AGBL4: variants seen among roughly 807,000 people sequenced by gnomAD.
AGBL4 encodes cytosolic carboxypeptidase 6.
AGBL4 carries 58 observed loss-of-function variants against 66.4 expected under a neutral mutation model. The ratio of observed to expected loss-of-function variants is 0.87; its 90% CI spans 0.71 to 1.09. AGBL4 has a LOEUF of 1.09. AGBL4 is among the 50% of genes least tolerant of loss of function. AGBL4 has a pLI of 0.00. For missense variants in AGBL4, 579 were observed against 631.0 expected, an observed-to-expected ratio of 0.92 and a Z score of 0.88; for synonymous variants, 234 against 222.9, an observed-to-expected ratio of 1.05 and a Z score of -0.44.
chr1:49,263,438 A>G lies in AGBL4; in HGVS notation c.283-17574T>C, dbSNP rs900552968. On this transcript the variant is annotated intron_variant, in intron 3 of 13. Transcript: ENST00000371839. ...ATAAAGAACTATTATAAATCAAAAT[A>G]TAAAAGACCAACAATACAATAGAAA... Among the ~76,000 whole-genome samples, 127 of 152,176 alleles carry G rather than the reference A, an allele frequency of 8.3e-4. 1 individual carries two copies. The highest frequency in any genetic ancestry group is 3.0e-3 in the African/African-American group (123 of 41,464).
intron 4 of AGBL4, among the ~76,000 whole-genome samples, chr1:49,091,916 G>A (rs1280750238): frequency 2.0e-5 from 3 of 151,900 alleles, no homozygotes; most frequent in African/African-American, 7.2e-5. Flanking sequence ...ATCGAAGTAT[G>A]AAGAAATAAC....
chr1:48,808,094 T>C (rs994574493), intron 6 of AGBL4, among the ~76,000 whole-genome samples: 4 of 152,164 alleles, frequency 2.6e-5, no homozygotes, highest in Non-Finnish European at 4.4e-5. Flanking sequence ...AGTGAGTCAT[T>C]AAATACCAGG....
intron 4 of AGBL4, among the ~76,000 whole-genome samples, chr1:49,125,081 T>C (rs1306603633): frequency 6.6e-6 from 1 of 151,928 alleles, no homozygotes; most frequent in Non-Finnish European, 1.5e-5. Context: ...AATAGATCTA[T>C]AAAACTCAAA....
chr1:49,987,565 T>C (rs147666670), intron 1 of AGBL4, among the ~76,000 whole-genome samples: 4,082 of 152,122 alleles, frequency 0.027, 66 homozygotes, highest in Non-Finnish European at 0.039. Flanking sequence ...AAAATACTAA[T>C]GAGCATTTTT....
intron 1 of AGBL4, among the ~76,000 whole-genome samples, chr1:49,937,917 A>G (rs1654272754): frequency 6.6e-6 from 1 of 152,182 alleles, no homozygotes; most frequent in Admixed American, 6.5e-5. Flanking sequence ...TTGACACCCT[A>G]ACATCACAAT....
At chr1:48,958,986 A>G (rs12058797) in intron 5 of AGBL4, among the ~76,000 whole-genome samples, 38,525 of 152,078 alleles carry the variant, frequency 0.25, 6,446 homozygotes, top group African/African-American at 0.48. Context: ...TAGACTCCTT[A>G]AGGGCAGGGA....
At chr1:49,019,736 C>T (rs1047761034) in intron 5 of AGBL4, among the ~76,000 whole-genome samples, 22 of 152,198 alleles carry the variant, frequency 1.4e-4, no homozygotes, top group Admixed American at 6.5e-4. Context: ...GTGTTCCAGG[C>T]AACATGGCAG....
chr1:48,752,852 C>T (rs760827525), intron 6 of AGBL4, among the ~76,000 whole-genome samples: 5 of 151,946 alleles, frequency 3.3e-5, no homozygotes, highest in African/African-American at 4.8e-5. Flanking sequence ...CGGGTTCAAG[C>T]TATTCTCCTG....
rs1571234134 is a variant in AGBL4 at position 49,014,761 on chromosome 1, C to G, written c.594+30823G>C. Among the ~76,000 whole-genome samples, 3 of 152,204 alleles carry G rather than the reference C, an allele frequency of 2.0e-5. No homozygotes were observed. The East Asian group carries it at 5.8e-4, about 29-fold the overall frequency. ...ATTGCTCTGGTCTGTCATTCTCTCT[C>G]TCATGGAGCTACCTAATCATATATG... is the stretch of plus-strand genomic sequence containing the variant. On this transcript the variant is annotated intron_variant, in intron 5 of 13. Transcript: ENST00000371839.
intron 3 of AGBL4, among the ~76,000 whole-genome samples, chr1:49,397,396 G>A (rs1644995477): frequency 1.3e-5 from 2 of 152,162 alleles, no homozygotes; most frequent in African/African-American, 4.8e-5. Context: ...TGTGGGTGAA[G>A]CAGGTGCTTT....
chr1:49,332,663 A>G (rs1040207231), intron 3 of AGBL4, among the ~76,000 whole-genome samples: 17 of 152,250 alleles, frequency 1.1e-4, no homozygotes, highest in Non-Finnish European at 2.1e-4. Context: ...AGTGAATCTT[A>G]GTAACATCAA....
chr1:49,967,792 T>A (rs1325256059), intron 1 of AGBL4, among the ~76,000 whole-genome samples: 1 of 152,238 alleles, frequency 6.6e-6, no homozygotes, highest in Non-Finnish European at 1.5e-5. Context: ...TGGTTTCGGT[T>A]TAAATTACAT....
intron 1 of AGBL4, among the ~76,000 whole-genome samples, chr1:50,020,712 A>G (rs939421450): frequency 5.9e-5 from 9 of 152,224 alleles, no homozygotes; most frequent in African/African-American, 2.2e-4. Flanking sequence ...TTAAGTTGTC[A>G]ACTTCTCCGT....
chr1:48,649,609 T>C (rs970884159), intron 8 of AGBL4, among the ~76,000 whole-genome samples: 1 of 152,220 alleles, frequency 6.6e-6, no homozygotes, highest in African/African-American at 2.4e-5. Flanking sequence ...TCTATCATGG[T>C]ATAGTGGCCA....
intron 1 of AGBL4, among the ~76,000 whole-genome samples, chr1:49,915,444 G>A (rs954010049): frequency 3.9e-5 from 6 of 152,128 alleles, no homozygotes; most frequent in African/African-American, 7.2e-5. Context: ...TATATCCCGC[G>A]CCTGGCTTGG....
chr1:48,631,954 T>G (rs1399204237), intron 9 of AGBL4, among the ~76,000 whole-genome samples: 6 of 152,228 alleles, frequency 3.9e-5, no homozygotes, highest in African/African-American at 9.6e-5. Context: ...TATAAATACA[T>G]ACTTATCAGT....
intron 2 of AGBL4, among the ~76,000 whole-genome samples, chr1:49,807,377 C>A (rs1027174048): frequency 6.6e-6 from 1 of 152,184 alleles, no homozygotes; most frequent in Admixed American, 6.5e-5. Flanking sequence ...TAAGATGATT[C>A]TATATCCTTA....
At chr1:48,606,494 A>G (rs866682875) in intron 9 of AGBL4, among the ~76,000 whole-genome samples, 75 of 152,336 alleles carry the variant, frequency 4.9e-4, no homozygotes, top group Middle Eastern at 6.8e-3. Flanking sequence ...CAGGAAAAAC[A>G]TCATAGTAGA....
At chr1:48,840,569 C>G (rs960385458) in intron 6 of AGBL4, among the ~76,000 whole-genome samples, 2 of 152,110 alleles carry the variant, frequency 1.3e-5, no homozygotes, top group Non-Finnish European at 2.9e-5. Flanking sequence ...ATTAAAAACA[C>G]AAGCTATCAC....
Sources: gnomAD v4.1 joint callset for allele counts (sites outside exome capture counted in the v4.1 genomes callset) on GRCh38, gnomAD v4.1.1 for gene constraint, MANE v1.5 for transcripts, NCBI Gene and HGNC (gene_info 2026-07-23, HGNC 2026-07-21) for gene names.